The following CSMD1 variants were observed in gnomAD, a reference collection of about 807,000 sequenced individuals.
The protein encoded by CSMD1 is CUB and Sushi multiple domains 1.
Under a neutral mutation model 417.5 loss-of-function variants are expected in CSMD1, and 213 were observed. The ratio of observed to expected loss-of-function variants is 0.51; its 90% confidence interval spans 0.46 to 0.57. The LOEUF (loss-of-function observed/expected upper bound fraction) is 0.57, where lower values mean the gene tolerates loss of function less well. Ranked by LOEUF, CSMD1 falls within the 20% of genes least tolerant of loss-of-function variation. CSMD1 has a pLI of 0.00. For missense variants in CSMD1, 6,923 were observed against 4,529.7 expected, an observed-to-expected ratio of 1.53 and a Z score of -15.17; for synonymous variants, 2,862 against 1,736.8, an observed-to-expected ratio of 1.65 and a Z score of -16.11.
chr8:3,796,642 A>C (rs1046673879), intron 5 of CSMD1, among the ~76,000 whole-genome samples: 1 of 149,424 alleles, frequency 6.7e-6, no homozygotes, highest in Non-Finnish European at 1.5e-5. Context: ...TAATGTATAG[A>C]TATAGATATA....
intron 3 of CSMD1, among the ~76,000 whole-genome samples, chr8:4,036,481 T>A (rs1158729863): frequency 2.0e-5 from 3 of 152,188 alleles, no homozygotes; most frequent in African/African-American, 7.2e-5. Flanking sequence ...AAAGAAATAT[T>A]TGTAAACACC....
intron 3 of CSMD1, among the ~76,000 whole-genome samples, chr8:4,039,182 C>A (rs1797763543): frequency 6.6e-6 from 1 of 152,200 alleles, no homozygotes; most frequent in Admixed American, 6.5e-5. Flanking sequence ...GAGGTGGATT[C>A]ATCTGGAATC....
intron 18 of CSMD1, among the ~76,000 whole-genome samples, chr8:3,377,083 T>A (rs1995459): frequency 0.8 from 121,915 of 152,186 alleles, 49,242 homozygotes; most frequent in African/African-American, 0.9. Flanking sequence ...ATCTTGGCTC[T>A]CTGCAGCCTT....
chr8:2,967,441 CTG>C (rs1804063490), intron 57 of CSMD1, among the ~76,000 whole-genome samples: 1 of 152,206 alleles, frequency 6.6e-6, no homozygotes, highest in Non-Finnish European at 1.5e-5. Flanking sequence ...GGTCTACACT[CTG>C]TGCCTATTTT....
intron 5 of CSMD1, among the ~76,000 whole-genome samples, chr8:3,919,034 T>C (rs2688309): frequency 0.029 from 4,339 of 152,020 alleles, 209 homozygotes; most frequent in African/African-American, 0.1. Flanking sequence ...TGGAAATATT[T>C]TTAAAAAATA....
chr8:4,587,029 AT>A (rs1799735831), intron 2 of CSMD1, among the ~76,000 whole-genome samples: 2 of 152,214 alleles, frequency 1.3e-5, no homozygotes, highest in African/African-American at 4.8e-5. Context: ...AGTTTAGTTA[AT>A]TTTGAATGAA....
At chr8:3,369,438 G>A in intron 18 of CSMD1, 68 bp from the exon 19 acceptor site, 3 of 750,520 alleles carry the variant, frequency 4.0e-6, no homozygotes, top group South Asian at 3.2e-5. Context: ...CAAAATACTG[G>A]TTAAATGGCA....
rs553439244 is a variant in CSMD1, at chr8:3,586,006, T to A, written c.1222+130A>T. The A allele has an allele frequency of 2.0e-4, 188 of 939,378 alleles. 5 individuals are homozygous for A. In the South Asian group the frequency reaches 3.8e-3, roughly 19 times the overall value. The allele number at this position is 939,378 out of a possible 1,614,324, so 58.2% of individuals were successfully genotyped here. ...GTTTCTGTTATTACCCACATCACTATGAAAACATACATTACTACCGAATTC... is the reference window on the plus strand; with the variant it reads ...GTTTCTGTTATTACCCACATCACTAAGAAAACATACATTACTACCGAATTC... On this transcript the variant is annotated intron_variant, in intron 9 of 69. Transcript: ENST00000635120.
At chr8:4,922,595 G>T (rs1013291365) in intron 1 of CSMD1, among the ~76,000 whole-genome samples, 1 of 152,072 alleles carries the variant, frequency 6.6e-6, no homozygotes, top group East Asian at 1.9e-4. Context: ...TATTGATAGC[G>T]CTCATGAGAG....
intron 5 of CSMD1, among the ~76,000 whole-genome samples, chr8:3,967,255 C>G (rs1262734503): frequency 6.8e-6 from 1 of 146,614 alleles, no homozygotes; most frequent in Admixed American, 6.7e-5. Flanking sequence ...AATTCTTCTG[C>G]TTTTTTAATT....
At chr8:3,187,216 C>G (rs1041685961) in intron 36 of CSMD1, among the ~76,000 whole-genome samples, 5 of 152,132 alleles carry the variant, frequency 3.3e-5, no homozygotes, top group African/African-American at 4.8e-5. Context: ...CAGTGTAATG[C>G]TATTACAAAG....
chr8:3,529,698 A>G (rs1027819355), intron 10 of CSMD1, among the ~76,000 whole-genome samples: 1 of 152,204 alleles, frequency 6.6e-6, no homozygotes, highest in African/African-American at 2.4e-5. Context: ...TCATATGTAC[A>G]AATACATCTT....
At chr8:4,135,403 A>AAAGAGGGGGAAGGAAG (rs1256297422) in intron 3 of CSMD1, among the ~76,000 whole-genome samples, 2 of 132,444 alleles carry the variant, frequency 1.5e-5, no homozygotes, top group African/African-American at 5.9e-5. Flanking sequence ...AAGGGGAAAG[A>AAAGAGGGGGAAGGAAG]GGGAAAGAGG....
chr8:4,596,178 C>A (rs535168078), intron 2 of CSMD1, among the ~76,000 whole-genome samples: 1 of 151,932 alleles, frequency 6.6e-6, no homozygotes, highest in Non-Finnish European at 1.5e-5. Flanking sequence ...TAATATATAC[C>A]CACTGACATC....
chr8:3,832,616 T>G (rs1479697770), intron 5 of CSMD1, among the ~76,000 whole-genome samples: 1 of 152,120 alleles, frequency 6.6e-6, no homozygotes. Flanking sequence ...ATGGCATGGG[T>G]TCTTGAAGGA....
intron 1 of CSMD1, among the ~76,000 whole-genome samples, chr8:4,681,016 T>C (rs1284268286): frequency 1.3e-5 from 2 of 149,120 alleles, no homozygotes; most frequent in South Asian, 2.2e-4. Flanking sequence ...GAGAAAGTCA[T>C]GCAACCTCTG....
At chr8:4,423,904 A>C (rs2128942004) in intron 2 of CSMD1, among the ~76,000 whole-genome samples, 2 of 152,224 alleles carry the variant, frequency 1.3e-5, no homozygotes, top group South Asian at 4.1e-4. Flanking sequence ...CAAAGAACCC[A>C]AAAATAAACC....
chr8:3,754,517 C>T (rs763694050), intron 5 of CSMD1, among the ~76,000 whole-genome samples: 5 of 151,916 alleles, frequency 3.3e-5, no homozygotes, highest in South Asian at 2.1e-4. Context: ...GGCAGTGGTG[C>T]GATCTCGGCT....
At chr8:4,127,322 T>G (rs189523760) in intron 3 of CSMD1, among the ~76,000 whole-genome samples, 83 of 151,994 alleles carry the variant, frequency 5.5e-4, no homozygotes, top group Non-Finnish European at 4.3e-4. Context: ...TAGACTTCTT[T>G]CTTTCTGGCA....
Sources: allele counts gnomAD v4.1 joint callset (sites outside exome capture counted in the v4.1 genomes callset), GRCh38; gene constraint gnomAD v4.1.1; transcripts MANE v1.5; gene names NCBI Gene and HGNC (gene_info 2026-07-23, HGNC 2026-07-21).